Variants in HTR3B observed in about 807,000 individuals in gnomAD.
HTR3B encodes the protein 5-hydroxytryptamine receptor 3B.
A neutral mutation model predicts 42.8 loss-of-function variants in HTR3B; 44 were observed. The observed-to-expected ratio is 1.03, with a 90% CI of 0.81 to 1.32. The LOEUF is 1.32. Among genes scored for constraint, HTR3B ranks in the 40% most tolerant of loss-of-function variants. The pLI is 0.00. For missense variants in HTR3B, 527 were observed against 536.5 expected, an observed-to-expected ratio of 0.98 and a Z score of 0.17; for synonymous variants, 203 against 209.0, an observed-to-expected ratio of 0.97 and a Z score of 0.25.
chr11:113,930,603 C>T (rs974130328), intron 2 of HTR3B, among the ~76,000 whole-genome samples: 3 of 151,680 alleles, frequency 2.0e-5, no homozygotes, highest in Non-Finnish European at 2.9e-5. Context: ...ATCCTTCCAC[C>T]TCAGCCTTCC....
intron 2 of HTR3B, among the ~76,000 whole-genome samples, chr11:113,914,741 A>G: frequency 6.6e-6 from 1 of 152,064 alleles, no homozygotes; most frequent in East Asian, 1.9e-4. Flanking sequence ...TGGTTTTGGT[A>G]TCAGGATTGT....
At chr11:113,927,550 G>A (rs1591579321) in intron 2 of HTR3B, among the ~76,000 whole-genome samples, 2 of 151,540 alleles carry the variant, frequency 1.3e-5, no homozygotes, top group Non-Finnish European at 2.9e-5. Context: ...GTGTTTTAGA[G>A]TATATGTTTT....
intron 2 of HTR3B, among the ~76,000 whole-genome samples, chr11:113,911,122 G>T (rs750760224): frequency 6.6e-6 from 1 of 151,996 alleles, no homozygotes; most frequent in Non-Finnish European, 1.5e-5. Flanking sequence ...CACTGCACCC[G>T]GCCAAAAATT....
chr11:113,900,468 C>T (rs890060438), upstream of HTR3B, among the ~76,000 whole-genome samples: 2 of 152,004 alleles, frequency 1.3e-5, no homozygotes, highest in African/African-American at 4.8e-5. Flanking sequence ...ACAGGCATAC[C>T]TGAAACTGGG....
rs899728985 is a variant in HTR3B at position 113,919,866 on chromosome 11, C to A, written c.213+10411C>A. ...ACAACAACAACAACAACAACAACAA[C>A]AAAAAGAGTACAAGGTTTAAATTTT... On this transcript the variant is annotated intron_variant, in intron 2 of 8. Transcript: ENST00000260191. 3.3e-5 allele frequency among the ~76,000 whole-genome samples: 5 copies of A among 150,172 alleles called. No homozygotes were observed. The East Asian group carries it at 7.7e-4, about 23-fold the overall frequency.
chr11:113,917,821 T>C (rs1315457479), intron 2 of HTR3B, among the ~76,000 whole-genome samples: 1 of 152,038 alleles, frequency 6.6e-6, no homozygotes, highest in Non-Finnish European at 1.5e-5. Context: ...CCCACCATGG[T>C]CACTAACTCC....
intron 2 of HTR3B, among the ~76,000 whole-genome samples, chr11:113,914,556 C>A (rs998783562): frequency 6.6e-6 from 1 of 151,934 alleles, no homozygotes; most frequent in East Asian, 1.9e-4. Flanking sequence ...AATCTCACCT[C>A]ACTGCAACCT....
rs1949837755 is a variant in HTR3B, at chr11:113,915,039, T to C, written c.213+5584T>C. ...ACTTAGTTGTTCATATATTTTTTTC[T>C]ATTATTTTCATGCCCATAAGATCTC... On this transcript the variant is annotated intron_variant, in intron 2 of 8. Transcript: ENST00000260191. 3.3e-5 allele frequency among the ~76,000 whole-genome samples: 5 copies of C among 152,204 alleles called. No individual in the cohort carries two copies. The South Asian group carries it at 1.0e-3, about 31-fold the overall frequency.
chr11:113,914,618 GAT>G (rs1491429211), intron 2 of HTR3B, among the ~76,000 whole-genome samples: 50 of 151,774 alleles, frequency 3.3e-4, no homozygotes, highest in Admixed American at 8.5e-4. Context: ...AAGTAGCTGA[GAT>G]TACAGGTGTG....
In HTR3B at chr11:113,943,003, CT is replaced by C; in HGVS notation, c.719del (p.Leu240ArgfsTer5). 1.2e-6 allele frequency: 2 copies of C among 1,614,108 alleles called. No homozygotes were observed. Among genetic ancestry groups the C allele is most frequent in the Non-Finnish European group, 1.7e-6 (2 of 1,180,022 alleles). On this transcript the variant is annotated frameshift_variant, in exon 7 of 9. Transcript: ENST00000260191. LOFTEE classifies it high-confidence loss of function. ...QFNVVMRRHPLVYVVSLLIPS... is the reference protein window; with the variant it reads ...QFNVVMRRHPXVYVVSLLIPS... The stretch of plus-strand genomic sequence containing the variant: ...CCAGGTGGTGATGCGCAGGCACCCC[CT>C]GGTCTATGTCGTGAGTCTGCTGATT...
intron 2 of HTR3B, among the ~76,000 whole-genome samples, chr11:113,911,720 G>A (rs923110461): frequency 6.6e-6 from 1 of 152,020 alleles, no homozygotes; most frequent in Non-Finnish European, 1.5e-5. Flanking sequence ...TAGAGATGGG[G>A]TTCCACCATG....
At chr11:113,938,340 C>G (rs761510977) in intron 6 of HTR3B, among the ~76,000 whole-genome samples, 3 of 152,142 alleles carry the variant, frequency 2.0e-5, no homozygotes, top group African/African-American at 7.2e-5. Flanking sequence ...ATTCCAGTGT[C>G]AACTCTTAAG....
At chr11:113,943,763 T>C (rs868261201) in intron 7 of HTR3B, among the ~76,000 whole-genome samples, 1 of 150,526 alleles carries the variant, frequency 6.6e-6, no homozygotes, top group Non-Finnish European at 1.5e-5. Context: ...CAGTGAGCTA[T>C]GATCCCACCA....
chr11:113,914,140 A>T (rs1212070665), intron 2 of HTR3B, among the ~76,000 whole-genome samples: 1 of 152,078 alleles, frequency 6.6e-6, no homozygotes, highest in Non-Finnish European at 1.5e-5. Flanking sequence ...CAGTTTTTTT[A>T]ATTTTTAAAA....
intron 6 of HTR3B, among the ~76,000 whole-genome samples, chr11:113,940,341 G>A (rs182212022): frequency 7.2e-5 from 11 of 152,172 alleles, no homozygotes; most frequent in East Asian, 3.9e-4. Context: ...TGGTCACCCC[G>A]TCACCCCGAC....
At chr11:113,908,491 G>T (rs1412820595) in intron 1 of HTR3B, among the ~76,000 whole-genome samples, 1 of 152,190 alleles carries the variant, frequency 6.6e-6, no homozygotes, top group Non-Finnish European at 1.5e-5. Flanking sequence ...ATCCCCTAAG[G>T]GCTGGCAAAG....
At chr11:113,921,208 C>T (rs567275048) in intron 2 of HTR3B, among the ~76,000 whole-genome samples, 39 of 150,494 alleles carry the variant, frequency 2.6e-4, no homozygotes, top group African/African-American at 8.8e-4. Context: ...TGCAGTGGCA[C>T]GATCTCGGCT....
At chr11:113,937,154 G>T (rs1950098097) in intron 6 of HTR3B, among the ~76,000 whole-genome samples, 1 of 152,156 alleles carries the variant, frequency 6.6e-6, no homozygotes, top group African/African-American at 2.4e-5. Context: ...GTAGGTAGGG[G>T]CAGTTTTGCA....
Position 113,945,964 on chromosome 11 carries a change from C to G in HTR3B, c.1153C>G (p.Leu385Val). The G allele has an allele frequency of 6.2e-7, 1 of 1,614,152 alleles. No homozygotes were observed. The change falls in exon 9 of 9, where the codon CTT becomes GTT. Residue 385 changes from leucine to valine, a missense_variant. Coordinates refer to ENST00000260191, the MANE Select transcript of HTR3B (RefSeq NM_006028.5). ...AACCCTGAAGGAAGTCTGGTCGCAG[C>G]TTCAATCTATCAGCAACTACCTCCA... is the stretch of plus-strand genomic sequence containing the variant. ...PGTLKEVWSQ[L>V]QSISNYLQTQ...
Sources: allele counts gnomAD v4.1 joint callset (sites outside exome capture counted in the v4.1 genomes callset), GRCh38; gene constraint gnomAD v4.1.1; transcripts MANE v1.5; gene names NCBI Gene and HGNC (gene_info 2026-07-23, HGNC 2026-07-21).